Variants in CD163L1 observed in about 807,000 individuals in gnomAD.
The protein encoded by CD163L1 is scavenger receptor cysteine-rich type 1 protein M160.
A neutral mutation model predicts 165.4 loss-of-function variants in CD163L1; 124 were observed. That is an observed-to-expected ratio of 0.75 (90% CI 0.65 to 0.87). The LOEUF (loss-of-function observed/expected upper bound fraction) is 0.87, where lower values mean the gene tolerates loss of function less well. Among genes scored for constraint, CD163L1 ranks in the 40% least tolerant of loss-of-function variants. CD163L1 has a pLI of 0.00. For synonymous variants in CD163L1, 585 were observed against 662.2 expected, an observed-to-expected ratio of 0.88 and a Z score of 1.79; for missense variants, 1,525 against 1,799.9, an observed-to-expected ratio of 0.85 and a Z score of 2.76.
the CD163L1 span, chr12:7,323,178 T>C: frequency 2.7e-6 from 4 of 1,456,694 alleles, no homozygotes; most frequent in Non-Finnish European, 3.8e-6. Flanking sequence ...ATTGCCATGA[T>C]ATAGTTTCAG....
At chr12:7,443,028 G>A (rs1243726390) in intron 1 of CD163L1, among the ~76,000 whole-genome samples, 5 of 152,126 alleles carry the variant, frequency 3.3e-5, no homozygotes, top group Non-Finnish European at 7.4e-5. Flanking sequence ...TAGATACATG[G>A]CAGACAGCAT....
At chr12:7,354,185 T>C (rs924093297), downstream of CD163L1, among the ~76,000 whole-genome samples, 1 of 152,124 alleles carries the variant, frequency 6.6e-6, no homozygotes, top group African/African-American at 2.4e-5. Context: ...AAATGTCTTT[T>C]CTAATCACCT....
At chr12:7,393,967 A>C (rs1229587177) in intron 8 of CD163L1, among the ~76,000 whole-genome samples, 1 of 152,224 alleles carries the variant, frequency 6.6e-6, no homozygotes, top group African/African-American at 2.4e-5. Flanking sequence ...GATAGGAAGA[A>C]TCAATATCGT....
intron 5 of CD163L1, 152 bp from the exon 6 acceptor site, chr12:7,404,007 A>AATTTTAAAGATTGAAATTTTAAAG (rs754147768): frequency 1.9e-6 from 1 of 532,634 alleles, no homozygotes; most frequent in African/African-American, 1.9e-5. Flanking sequence ...TTTGTTTTAA[A>AATTTTAAAGATTGAAATTTTAAAG]ATTTTAAAGA....
At chr12:7,383,332 C>A (rs1197584604) in intron 8 of CD163L1, among the ~76,000 whole-genome samples, 1 of 152,162 alleles carries the variant, frequency 6.6e-6, no homozygotes, top group African/African-American at 2.4e-5. Flanking sequence ...GAATTGCCTG[C>A]CCAGCACTGC....
intron 7 of CD163L1, among the ~76,000 whole-genome samples, chr12:7,396,866 G>A (rs1947788923): frequency 6.6e-6 from 1 of 152,130 alleles, no homozygotes; most frequent in African/African-American, 2.4e-5. Context: ...CAGAGAGAGA[G>A]AGAGAGAAGA....
At chr12:7,324,684 G>C in the CD163L1 span, 1 of 1,405,948 alleles carries the variant, frequency 7.1e-7, no homozygotes. Flanking sequence ...ACCAAGAGAG[G>C]TCAATCTATT....
At position 7,444,116 on chromosome 12, in the gene CD163L1, A is replaced by T; in HGVS notation, c.12T>A (p.Pro4=). The T allele has an allele frequency of 6.2e-7, 1 of 1,613,810 alleles. No individual in the cohort carries two copies. The highest frequency in any genetic ancestry group is 1.1e-5 in the South Asian group (1 of 91,056). The part of the protein sequence containing the change: MML[P]QNSWHIDFGR... ...CCTTACCAATATGCCACGAGTTTTG[A>T]GGCAGCATCATTATGGGTCTATCTC... Residue 4 remains proline (P), a synonymous_variant, in exon 1 of 20, where the codon CCT becomes CCA. Transcript: ENST00000313599.
chr12:7,425,883 G>A (rs933132642), intron 4 of CD163L1, among the ~76,000 whole-genome samples: 8 of 152,134 alleles, frequency 5.3e-5, no homozygotes, highest in Non-Finnish European at 1.0e-4. Context: ...GAAGACTGTG[G>A]TGATTCCTCA....
chr12:7,388,420 G>A (rs986764257), intron 8 of CD163L1, among the ~76,000 whole-genome samples: 7 of 152,050 alleles, frequency 4.6e-5, no homozygotes, highest in African/African-American at 7.2e-5. Context: ...TGAATAACTC[G>A]ACAGGAAAAC....
At chr12:7,399,428 A>C (rs1170505841) in intron 6 of CD163L1, among the ~76,000 whole-genome samples, 264 of 13,458 alleles carry the variant, frequency 0.02, no homozygotes, top group Middle Eastern at 0.083. Context: ...CCCCTCCCCC[A>C]TTCTTCTTCT....
downstream of CD163L1, among the ~76,000 whole-genome samples, chr12:7,342,204 C>T (rs1356451205): frequency 3.3e-5 from 5 of 152,174 alleles, no homozygotes; most frequent in East Asian, 1.9e-4. Flanking sequence ...GGCCATGACA[C>T]CCACACTGGA....
intron 4 of CD163L1, among the ~76,000 whole-genome samples, chr12:7,349,917 G>A (rs1946696049): frequency 6.6e-6 from 1 of 152,144 alleles, no homozygotes; most frequent in Non-Finnish European, 1.5e-5. Context: ...ACATGAAACT[G>A]ACATAGCTTG....
chr12:7,410,540 G>A (rs968034500), intron 4 of CD163L1, among the ~76,000 whole-genome samples: 1 of 151,530 alleles, frequency 6.6e-6, no homozygotes, highest in African/African-American at 2.4e-5. Flanking sequence ...GGAGGCAGAG[G>A]TTGCAGTGAG....
At chr12:7,326,798 C>A in the CD163L1 span, among the ~76,000 whole-genome samples, 1 of 152,196 alleles carries the variant, frequency 6.6e-6, no homozygotes, top group Admixed American at 6.5e-5. Flanking sequence ...TGAAAATATT[C>A]TGAAAAACCT....
the CD163L1 span, among the ~76,000 whole-genome samples, chr12:7,339,931 C>T: frequency 1.3e-5 from 2 of 152,128 alleles, no homozygotes; most frequent in East Asian, 3.8e-4. Context: ...ATGAGATCAT[C>T]ATACAAACAG....
In CD163L1 at chr12:7,369,266, T is replaced by C; in HGVS notation, c.4039+91A>G. 2.3e-6 allele frequency: 3 copies of C among 1,324,332 alleles called. No homozygotes were observed. The highest frequency in any genetic ancestry group is 3.1e-6 in the Non-Finnish European group (3 of 953,150). 82.0% of individuals were successfully genotyped at this position (1,324,332 alleles called of 1,614,324 possible). ...CATTCTTCAACAAGAAATCCTAGTA[T>C]CTTCAGCTCAACTCTCTGAGTGAGC... On this transcript the variant is annotated intron_variant, in intron 15 of 19. Coordinates refer to ENST00000313599, the MANE Select transcript of CD163L1 (RefSeq NM_174941.6). The surrounding 1 kb of genome is among the most constrained non-coding windows in gnomAD (Gnocchi z 4.9).
At chr12:7,359,616 C>A (rs1946851019) in intron 18 of CD163L1, among the ~76,000 whole-genome samples, 1 of 151,940 alleles carries the variant, frequency 6.6e-6, no homozygotes, top group Non-Finnish European at 1.5e-5. Flanking sequence ...ACAAGAAATT[C>A]TTCAGAAAGA....
intron 7 of CD163L1, 43 bp from the exon 8 acceptor site, chr12:7,396,458 G>T (rs1286720256): frequency 2.0e-6 from 3 of 1,512,820 alleles, no homozygotes; most frequent in Admixed American, 4.0e-5. Context: ...GGGTGTGATG[G>T]TTTATTTTAT....
Sources: gnomAD v4.1 joint callset for allele counts (sites outside exome capture counted in the v4.1 genomes callset) on GRCh38, gnomAD v4.1.1 for gene constraint, Gnocchi (gnomAD v3.1) non-coding constraint, MANE v1.5 for transcripts, NCBI Gene and HGNC (gene_info 2026-07-23, HGNC 2026-07-21) for gene names.